The following INCENP variants were observed in gnomAD, a reference collection of about 807,000 sequenced individuals.
The protein encoded by INCENP is binds and activates aurora-B and -C in vivo and in vitro.
A neutral mutation model predicts 107.3 loss-of-function variants in INCENP; 43 were observed. That is an observed-to-expected ratio of 0.40 (90% CI 0.31 to 0.52). The LOEUF (loss-of-function observed/expected upper bound fraction) is 0.52. INCENP is among the 20% of genes least tolerant of loss of function. INCENP has a pLI of 0.53. For missense variants in INCENP, 1,089 were observed against 1,250.9 expected (o/e 0.87, Z 1.95); for synonymous variants, 488 against 494.4 (o/e 0.99, Z 0.17).
At chr11:62,149,157 C>T (rs985749106) in intron 17 of INCENP, among the ~76,000 whole-genome samples, 7 of 128,686 alleles carry the variant, frequency 5.4e-5, no homozygotes, top group Non-Finnish European at 9.5e-5. Context: ...AACACACACA[C>T]AGATATCCTC....
Position 62,129,771 on chromosome 11 carries a change from GC to G in INCENP, c.255-7del, listed in dbSNP as rs775511796. 77 of 1,596,730 alleles carry G rather than the reference GC, an allele frequency of 4.8e-5. No individual in the cohort carries two copies. Among genetic ancestry groups the G allele is most frequent in the Non-Finnish European group, 2.0e-5 (23 of 1,174,780 alleles). On this transcript the variant is annotated splice_polypyrimidine_tract_variant and intron_variant, in intron 3 of 18. Coordinates refer to ENST00000394818, the MANE Select transcript of INCENP (RefSeq NM_001040694.2). ...TGCCCGTCTCAGCCTCTGCCCTGCT[GC>G]CCCTGCCAGGTTATCCCGCAGAAAG...
chr11:62,144,902 G>T, intron 11 of INCENP, 80 bp from the exon 12 acceptor site: 1 of 1,280,012 alleles, frequency 7.8e-7, no homozygotes, highest in African/African-American at 1.5e-5. Flanking sequence ...CAGGCTGCTG[G>T]GGACTGTGGG....
chr11:62,151,921 C>A lies in INCENP; in HGVS notation c.2702C>A (p.Pro901His). 6.2e-7 allele frequency: 1 copy of A among 1,613,562 alleles called. No individual in the cohort carries two copies. Among genetic ancestry groups the A allele is most frequent in the African/African-American group, 1.3e-5 (1 of 75,072 alleles). The change falls in exon 19 of 19, where the codon CCC becomes CAC. Residue 901 changes from proline (P) to histidine (H), a missense_variant. Transcript: ENST00000394818. ...AGCTCTGCTGTCTGGAACTCACCGC[C>A]CCTGCAGGGCGCCAGGGTCCCCAGC... Reference protein sequence around the residue: ...RTSSAVWNSPPLQGARVPSSL... With the variant: ...RTSSAVWNSPHLQGARVPSSL...
intron 8 of INCENP, 128 bp from the exon 9 acceptor site, chr11:62,140,576 C>A: frequency 2.5e-6 from 2 of 797,874 alleles, no homozygotes; most frequent in Non-Finnish European, 4.1e-6. Flanking sequence ...GTTGCTTAGG[C>A]TCTGCAGCCT....
intron 14 of INCENP, among the ~76,000 whole-genome samples, 199 bp from the exon 15 acceptor site, chr11:62,146,459 A>C (rs539145950): frequency 2.6e-5 from 4 of 152,360 alleles, no homozygotes; most frequent in Admixed American, 6.5e-5. Flanking sequence ...CAGCAGCAGC[A>C]GCTGTCACAA....
At position 62,151,985 on chromosome 11, in the gene INCENP, T is replaced by C. The variant is rs767585970; in HGVS notation, c.*9T>C. ...GCCTGAAGAAGCACTGAGGCTGGCC[T>C]GCGGCCTTCTTGGCAGCCTCGCCTC... On this transcript the variant is annotated 3_prime_UTR_variant, in exon 19 of 19. Transcript: ENST00000394818. 4 of 1,601,014 alleles carry C rather than the reference T, an allele frequency of 2.5e-6. No homozygotes were observed. Among genetic ancestry groups the C allele is most frequent in the South Asian group, 2.2e-5 (2 of 90,926 alleles).
At position 62,146,752 on chromosome 11, in the gene INCENP, C is replaced by T; in HGVS notation, c.2054C>T (p.Ala685Val). 1.3e-6 allele frequency: 2 copies of T among 1,541,228 alleles called. No individual in the cohort carries two copies. Among genetic ancestry groups the T allele is most frequent in the African/African-American group, 3.0e-5 (2 of 67,398 alleles). Residue 685 changes from alanine (A) to valine (V), a missense_variant, in exon 15 of 19, where the codon GCA (alanine) becomes GTA (valine). Transcript: ENST00000394818. ...AAGGCGGCCGAGGCTAAGCGGCTGG[C>T]AGAGCAGCGGGAGCAGGAGCGGCGG... The part of the protein sequence containing the change: ...LRKAAEAKRL[A>V]EQREQERREQ...
chr11:62,146,868 C>G lies in INCENP; in HGVS notation c.2170C>G (p.Arg724Gly), dbSNP rs914704440. Residue 724 changes from arginine (R) to glycine (G), a missense_variant, in exon 15 of 19, where the codon CGT (arginine) becomes GGT (glycine). Physicochemically the swap from Arg to Gly is moderately radical, Grantham distance 125. Coordinates refer to ENST00000394818, the MANE Select transcript of INCENP (RefSeq NM_001040694.2). ...GGAGCGACAGCTGGCAGAGCAGGAG[C>G]GTCGGCGGGAGCAGGAGCGGCTCCA... The part of the protein sequence containing the change: ...EQERQLAEQE[R>G]RREQERLQAE... The G allele has an allele frequency of 6.3e-7, 1 of 1,589,336 alleles. No homozygotes were observed. Among genetic ancestry groups the G allele is most frequent in the East Asian group, 2.3e-5 (1 of 44,194 alleles).
intron 16 of INCENP, 23 bp downstream of exon 16, chr11:62,148,577 C>T (rs1293511563): frequency 1.9e-6 from 3 of 1,588,640 alleles, no homozygotes; most frequent in African/African-American, 2.7e-5. Context: ...GGGTTGCGGG[C>T]TCCCCTGGGG....
intron 11 of INCENP, chr11:62,141,736 A>C (rs914785087): frequency 7.9e-6 from 5 of 630,946 alleles, no homozygotes; most frequent in Non-Finnish European, 1.4e-5. Flanking sequence ...CTCTGCTCTT[A>C]GGAGGAAGCA....
rs191849038 is a variant in INCENP, at chr11:62,136,281, G to A, written c.1064-1551G>A. ...CTAGTGCAGCTGGCAGCTTAGAGACGAGCGCTTTTCACAGAGAGTTGGGTT... is the reference window on the plus strand; with the variant it reads ...CTAGTGCAGCTGGCAGCTTAGAGACAAGCGCTTTTCACAGAGAGTTGGGTT... On this transcript the variant is annotated intron_variant, in intron 4 of 18. Coordinates refer to ENST00000394818, the MANE Select transcript of INCENP (RefSeq NM_001040694.2). 2.9e-3 allele frequency among the ~76,000 whole-genome samples: 445 copies of A among 152,282 alleles called. 1 individual carries two copies. The highest frequency in any genetic ancestry group is 5.2e-3 in the Non-Finnish European group (356 of 68,022).
In INCENP at chr11:62,140,173, C is replaced by G. The variant is rs997796309; in HGVS notation, c.1292-61C>G. On this transcript the variant is annotated intron_variant, in intron 7 of 18. Coordinates refer to ENST00000394818, the MANE Select transcript of INCENP (RefSeq NM_001040694.2). ...CCAAGGACCCCTTCCCCCTACACCC[C>G]CATTCCCACCCTGCCGCCGCCATCG... The G allele has an allele frequency of 4.7e-6, 7 of 1,474,752 alleles. No individual in the cohort carries two copies. The Admixed American group carries it at 6.7e-5, about 14-fold the overall frequency. The allele number at this position is 1,474,752 out of a possible 1,614,324, so 91.4% of individuals were successfully genotyped here.
At chr11:62,141,746 A>G (rs2134657477) in intron 11 of INCENP, 1 of 612,450 alleles carries the variant, frequency 1.6e-6, no homozygotes, top group African/African-American at 1.8e-5. Flanking sequence ...AGGAGGAAGC[A>G]AGGGGGTGTG....
chr11:62,133,152 C>T (rs1220587321), intron 4 of INCENP, among the ~76,000 whole-genome samples: 1 of 151,966 alleles, frequency 6.6e-6, no homozygotes, highest in East Asian at 1.9e-4. Flanking sequence ...TCGGGCAGCT[C>T]CAAGGTGGGG....
At chr11:62,149,580 G>T (rs1462957241) in intron 17 of INCENP, among the ~76,000 whole-genome samples, 2 of 152,102 alleles carry the variant, frequency 1.3e-5, no homozygotes, top group African/African-American at 4.8e-5. Context: ...ATACACCTTA[G>T]CATCAAAAAA....
At chr11:62,141,583 T>C in intron 11 of INCENP, 72 bp downstream of exon 11, 1 of 1,566,990 alleles carries the variant, frequency 6.4e-7, no homozygotes, top group Non-Finnish European at 8.8e-7. Flanking sequence ...CTTCCCTGCG[T>C]AGCTGACAGC....
At position 62,146,413 on chromosome 11, in the gene INCENP, C is replaced by T. The variant is rs193034242; in HGVS notation, c.1960-245C>T. ...TGCTTGCCCGTTGTTTCATAGCTAG[C>T]GAGTTTGGCTCCGAGGTTCCTTTCT... On this transcript the variant is annotated intron_variant, in intron 14 of 18. Coordinates refer to ENST00000394818, the MANE Select transcript of INCENP (RefSeq NM_001040694.2). Among the ~76,000 whole-genome samples the T allele has an allele frequency of 9.0e-4, 137 of 152,338 alleles. 1 individual carries two copies. The highest frequency in any genetic ancestry group is 3.1e-3 in the African/African-American group (127 of 41,588).
chr11:62,148,348 C>G, intron 15 of INCENP, 128 bp from the exon 16 acceptor site: 1 of 811,330 alleles, frequency 1.2e-6, no homozygotes, highest in South Asian at 1.8e-5. Flanking sequence ...AAGCTGGTTG[C>G]CCATTCAGCA....
intron 15 of INCENP, among the ~76,000 whole-genome samples, chr11:62,147,503 T>A (rs2511347): frequency 0.49 from 74,033 of 151,834 alleles, 20,127 homozygotes; most frequent in Middle Eastern, 0.68. Context: ...AGTCGTGGGG[T>A]TGCCAAGGAG....
Sources: gnomAD v4.1 joint callset for allele counts (sites outside exome capture counted in the v4.1 genomes callset) on GRCh38, gnomAD v4.1.1 for gene constraint, MANE v1.5 for transcripts, NCBI Gene and HGNC (gene_info 2026-07-23, HGNC 2026-07-21) for gene names.